The following TSPAN7 variants were observed in gnomAD, a reference collection of about 807,000 sequenced individuals.
TSPAN7 encodes the protein tetraspanin 7.
In TSPAN7, 1 loss-of-function variant was observed where a neutral mutation model predicts 17.6. The observed-to-expected ratio is 0.06, with a 90% CI of 0.02 to 0.27. The LOEUF (loss-of-function observed/expected upper bound fraction) is 0.27, where lower values mean the gene tolerates loss of function less well. TSPAN7 is among the 10% of genes least tolerant of loss of function. TSPAN7 has a pLI of 1.00. For missense variants in TSPAN7, 112 were observed against 201.7 expected, an observed-to-expected ratio of 0.56 and a Z score of 2.69; for synonymous variants, 78 against 79.0, an observed-to-expected ratio of 0.99 and a Z score of 0.07.
At chrX:38,618,221 A>G (rs147525979) in intron 1 of TSPAN7, among the ~76,000 whole-genome samples, 32 of 112,124 alleles carry the variant, frequency 2.9e-4, no homozygotes, top group African/African-American at 1.0e-3. Flanking sequence ...TTCACAATCC[A>G]TTGTACATTT....
At chrX:38,655,500 T>C (rs927682924) in intron 1 of TSPAN7, among the ~76,000 whole-genome samples, 2 of 110,898 alleles carry the variant, frequency 1.8e-5, no homozygotes, top group African/African-American at 3.3e-5. Flanking sequence ...GTTTTTTTTT[T>C]CCTTAAATCA....
At chrX:38,591,500 A>C (rs1363767156) in intron 1 of TSPAN7, among the ~76,000 whole-genome samples, 2 of 111,892 alleles carry the variant, frequency 1.8e-5, no homozygotes, top group Non-Finnish European at 3.8e-5. Flanking sequence ...TGTGTATTCT[A>C]CTGTTGTTGG....
chrX:38,648,698 C>T (rs941726140), intron 1 of TSPAN7, among the ~76,000 whole-genome samples: 4 of 111,790 alleles, frequency 3.6e-5, no homozygotes, highest in Non-Finnish European at 7.5e-5. Context: ...ACAGTCCTCC[C>T]ACCTCAACCT....
intron 1 of TSPAN7, among the ~76,000 whole-genome samples, chrX:38,609,451 A>G (rs912517820): frequency 9.0e-6 from 1 of 110,916 alleles, no homozygotes; most frequent in Non-Finnish European, 1.9e-5. Flanking sequence ...ACTATTTTAT[A>G]TTTATCTGTG....
At chrX:38,651,204 G>A (rs6610169) in intron 1 of TSPAN7, among the ~76,000 whole-genome samples, 6,147 of 110,851 alleles carry the variant, frequency 0.055, 184 homozygotes, top group Admixed American at 0.12. Flanking sequence ...GGTGGCTCAC[G>A]CCTGTAATCC....
chrX:38,649,492 C>T (rs1188108438), intron 1 of TSPAN7, among the ~76,000 whole-genome samples: 1 of 112,032 alleles, frequency 8.9e-6, no homozygotes, highest in East Asian at 2.8e-4. Flanking sequence ...TGGTCAAGGA[C>T]CTAAGCCACA....
rs1019258868 is a variant in TSPAN7, at chrX:38,681,197, T to C, written c.598-7T>C. On this transcript the variant is annotated splice_region_variant and splice_polypyrimidine_tract_variant and intron_variant, in intron 5 of 7. Coordinates refer to ENST00000378482, the MANE Select transcript of TSPAN7 (RefSeq NM_004615.4). ...ATGTCTCCAAGACAGTGTCTTTCTCTTTCCAGGGTTGTTATGATCTGGTAA... is the reference window on the plus strand; with the variant it reads ...ATGTCTCCAAGACAGTGTCTTTCTCCTTCCAGGGTTGTTATGATCTGGTAA... The C allele has an allele frequency of 3.3e-6, 4 of 1,202,750 alleles. No homozygotes were observed. In the African/African-American group the frequency reaches 7.0e-5, roughly 21 times the overall value.
At chrX:38,634,999 G>A (rs888929730) in intron 1 of TSPAN7, among the ~76,000 whole-genome samples, 8 of 110,414 alleles carry the variant, frequency 7.2e-5, no homozygotes, top group Non-Finnish European at 1.1e-4. Flanking sequence ...GGAGAAGGAT[G>A]TGGCCCCTGG....
At chrX:38,637,666 G>T (rs942884745) in intron 1 of TSPAN7, among the ~76,000 whole-genome samples, 2 of 112,001 alleles carry the variant, frequency 1.8e-5, no homozygotes, top group Non-Finnish European at 3.8e-5. Context: ...TGCCAACGTG[G>T]ATGGCTGCCA....
At chrX:38,583,949 CT>C (rs34777484) in intron 1 of TSPAN7, among the ~76,000 whole-genome samples, 829 of 66,961 alleles carry the variant, frequency 0.012, 8 homozygotes, top group African/African-American at 0.041. Context: ...TTTTTCTTTT[CT>C]TTTTTTTTTT....
chrX:38,621,804 C>T lies in TSPAN7; in HGVS notation c.82-44317C>T, dbSNP rs1335736501. On this transcript the variant is annotated intron_variant, in intron 1 of 7. Transcript: ENST00000378482. ...AAGAGGGAATAATTGCTGTCACTTGCGTTTCAGAAACATAGCATCCAAACT... is the reference window on the plus strand; with the variant it reads ...AAGAGGGAATAATTGCTGTCACTTGTGTTTCAGAAACATAGCATCCAAACT... Among the ~76,000 whole-genome samples the T allele has an allele frequency of 4.5e-5, 5 of 112,351 alleles. No individual in the cohort carries two copies. The East Asian group carries it at 1.4e-3, about 31-fold the overall frequency.
At chrX:38,656,543 G>A (rs781448555) in intron 1 of TSPAN7, among the ~76,000 whole-genome samples, 1 of 111,444 alleles carries the variant, frequency 9.0e-6, no homozygotes, top group Admixed American at 9.6e-5. Flanking sequence ...TGTGCCAAAA[G>A]ATAAAGGAGG....
intron 1 of TSPAN7, among the ~76,000 whole-genome samples, chrX:38,612,078 C>T (rs150354385): frequency 6.1e-4 from 69 of 112,281 alleles, no homozygotes; most frequent in African/African-American, 2.1e-3. Context: ...TGAAAGCCCA[C>T]CAAGTCTCTG....
At chrX:38,646,666 G>A (rs764633905) in intron 1 of TSPAN7, among the ~76,000 whole-genome samples, 2 of 112,372 alleles carry the variant, frequency 1.8e-5, no homozygotes, top group Non-Finnish European at 3.8e-5. Context: ...TAATTTACAT[G>A]CTGTAATTAT....
intron 1 of TSPAN7, among the ~76,000 whole-genome samples, chrX:38,638,425 G>A (rs188627885): frequency 2.7e-5 from 3 of 112,281 alleles, no homozygotes; most frequent in African/African-American, 9.7e-5. Flanking sequence ...TAGAATACAT[G>A]CTCATAGTGA....
intron 1 of TSPAN7, among the ~76,000 whole-genome samples, chrX:38,618,229 T>C (rs968070529): frequency 1.8e-5 from 2 of 112,137 alleles, no homozygotes; most frequent in Non-Finnish European, 3.8e-5. Flanking sequence ...CCATTGTACA[T>C]TTACTTTCTT....
At chrX:38,665,032 T>G (rs1602119608) in intron 1 of TSPAN7, among the ~76,000 whole-genome samples, 1 of 112,303 alleles carries the variant, frequency 8.9e-6, no homozygotes, top group East Asian at 2.8e-4. Context: ...GTCACAGATA[T>G]TAGGAACTGT....
intron 1 of TSPAN7, among the ~76,000 whole-genome samples, chrX:38,651,267 C>T (rs763018647): frequency 9.1e-6 from 1 of 110,254 alleles, no homozygotes; most frequent in East Asian, 2.9e-4. Context: ...AGATCGAGAC[C>T]GGCCTGGCCA....
chrX:38,595,223 T>C (rs1054716155), intron 1 of TSPAN7, among the ~76,000 whole-genome samples: 3 of 111,485 alleles, frequency 2.7e-5, no homozygotes, highest in Non-Finnish European at 5.7e-5. Context: ...TAACAACTTT[T>C]CTTTGCATTT....
Sources: gnomAD v4.1 joint callset for allele counts (sites outside exome capture counted in the v4.1 genomes callset) on GRCh38, gnomAD v4.1.1 for gene constraint, MANE v1.5 for transcripts, NCBI Gene and HGNC (gene_info 2026-07-23, HGNC 2026-07-21) for gene names.